The following MYO5C variants were observed in gnomAD, a reference collection of about 807,000 sequenced individuals.
MYO5C encodes the protein unconventional myosin-Vc.
Under a neutral mutation model 235.7 loss-of-function variants are expected in MYO5C, and 194 were observed. The ratio of observed to expected loss-of-function variants is 0.82; its 90% confidence interval spans 0.73 to 0.93. The LOEUF (loss-of-function observed/expected upper bound fraction) is 0.93. Ranked by LOEUF, MYO5C falls within the 40% of genes least tolerant of loss-of-function variation. MYO5C has a pLI of 0.00. For missense variants in MYO5C, 2,038 were observed against 2,127.2 expected (o/e 0.96, Z 0.82); for synonymous variants, 707 against 754.8 (o/e 0.94, Z 1.04).
chr15:52,290,771 G>T (rs2140874685), intron 1 of MYO5C, among the ~76,000 whole-genome samples: 1 of 152,206 alleles, frequency 6.6e-6, no homozygotes, highest in East Asian at 1.9e-4. Flanking sequence ...AGCTAAAGAT[G>T]ATCAAGATTC....
intron 20 of MYO5C, among the ~76,000 whole-genome samples, chr15:52,240,334 C>T (rs2036184437): frequency 6.6e-6 from 1 of 151,676 alleles, no homozygotes; most frequent in African/African-American, 2.4e-5. Flanking sequence ...TTTGGGAGGC[C>T]CAGGAGGGAA....
At chr15:52,274,754 T>TA in intron 5 of MYO5C, among the ~76,000 whole-genome samples, 1 of 151,100 alleles carries the variant, frequency 6.6e-6, no homozygotes, top group Non-Finnish European at 1.5e-5. Context: ...AGATTGGGTC[T>TA]TATTCTTTTC....
chr15:52,195,340 GA>G (rs1566956006), intron 40 of MYO5C, 36 bp downstream of exon 40: 21 of 1,350,282 alleles, frequency 1.6e-5, no homozygotes, highest in Non-Finnish European at 2.2e-5. Context: ...CCATAGTTAG[GA>G]AGTAAAATTA....
intron 23 of MYO5C, 78 bp from the exon 24 acceptor site, chr15:52,232,763 G>A (rs1214843013): frequency 3.1e-5 from 38 of 1,233,370 alleles, no homozygotes; most frequent in Non-Finnish European, 4.4e-5. Context: ...TTAAGAAAGT[G>A]AGAATGTCAG....
intron 11 of MYO5C, among the ~76,000 whole-genome samples, chr15:52,254,817 G>T (rs902663921): frequency 6.6e-6 from 1 of 152,086 alleles, no homozygotes; most frequent in African/African-American, 2.4e-5. Flanking sequence ...GGAGCAGCAC[G>T]CCATTGCAGC....
chr15:52,267,966 G>T (rs554863179), intron 8 of MYO5C, among the ~76,000 whole-genome samples: 17 of 152,178 alleles, frequency 1.1e-4, no homozygotes, highest in Admixed American at 5.9e-4. Context: ...TTGAAATGAC[G>T]ACCATAATTA....
At chr15:52,210,070 C>A (rs1208305408) in intron 35 of MYO5C, among the ~76,000 whole-genome samples, 1 of 152,156 alleles carries the variant, frequency 6.6e-6, no homozygotes, top group African/African-American at 2.4e-5. Flanking sequence ...CTCAAGTGAT[C>A]TTCCCACCTC....
intron 2 of MYO5C, among the ~76,000 whole-genome samples, chr15:52,281,649 CT>C (rs1286769947): frequency 6.6e-6 from 1 of 152,172 alleles, no homozygotes; most frequent in African/African-American, 2.4e-5. Context: ...TCATTACCTC[CT>C]TTGTACATAT....
chr15:52,211,739 C>T lies in MYO5C; in HGVS notation c.4287G>A (p.Gln1429=). The T allele has an allele frequency of 6.2e-7, 1 of 1,613,626 alleles. No homozygotes were observed. Among genetic ancestry groups the T allele is most frequent in the East Asian group, 2.2e-5 (1 of 44,884 alleles). ...LMNSTINGIK[Q]VVKEHLEDFE... Reference sequence around the variant, plus strand: ...CAAAGGCATTTCCTACCTTAACCACCTGCTTGATGCCATTAATGGTGCTGT... The same window carrying T: ...CAAAGGCATTTCCTACCTTAACCACTTGCTTGATGCCATTAATGGTGCTGT... The change falls in exon 35 of 41, where the codon CAG becomes CAA. Residue 1429 remains glutamine, a synonymous_variant. Coordinates refer to ENST00000261839, the MANE Select transcript of MYO5C (RefSeq NM_018728.4).
Position 52,282,773 on chromosome 15 carries a change from G to T in MYO5C, c.138+9C>A, listed in dbSNP as rs1337348157. ...CATCGACGTAGCTGTGAACAGCAAGGACCCTCACCGTTCCATCCTCCAGCA... is the reference window on the plus strand; with the variant it reads ...CATCGACGTAGCTGTGAACAGCAAGTACCCTCACCGTTCCATCCTCCAGCA... On this transcript the variant is annotated intron_variant, in intron 2 of 40. Transcript: ENST00000261839. The T allele has an allele frequency of 3.2e-6, 5 of 1,571,930 alleles. No individual in the cohort carries two copies. Among genetic ancestry groups the T allele is most frequent in the Non-Finnish European group, 4.4e-6 (5 of 1,141,860 alleles).
In MYO5C at chr15:52,291,740, T is replaced by TG. The variant is rs1566998063; in HGVS notation, c.27+3869_27+3870insC. Among the ~76,000 whole-genome samples, 44 of 86,084 alleles carry TG rather than the reference T, an allele frequency of 5.1e-4. 1 individual carries two copies. The highest frequency in any genetic ancestry group is 1.0e-3 in the Non-Finnish European group (38 of 37,606). 56.5% of individuals were successfully genotyped at this position (86,084 alleles called of 152,430 possible). A position where few individuals can be genotyped will look rare whatever the true frequency, so the allele number is the denominator to read the frequency against. Reference sequence around the variant, plus strand: ...TGTTTGCATATTTTATGTTTTTTTTTTTTTTTTTTTTTTTTTGAGACAGGG... The same window carrying TG: ...TGTTTGCATATTTTATGTTTTTTTTTGTTTTTTTTTTTTTTTTGAGACAGGG... On this transcript the variant is annotated intron_variant, in intron 1 of 40. Coordinates refer to ENST00000261839, the MANE Select transcript of MYO5C (RefSeq NM_018728.4).
intron 36 of MYO5C, among the ~76,000 whole-genome samples, chr15:52,207,318 A>G (rs533863376): frequency 7.1e-4 from 108 of 152,336 alleles, no homozygotes; most frequent in African/African-American, 2.5e-3. Context: ...TGAATAAAAC[A>G]TTCTTCCACT....
intron 12 of MYO5C, among the ~76,000 whole-genome samples, chr15:52,252,807 T>A (rs1312124509): frequency 6.6e-6 from 1 of 152,024 alleles, no homozygotes; most frequent in Non-Finnish European, 1.5e-5. Flanking sequence ...CCCCGAAACC[T>A]TATTAATCCT....
rs142778114 is a variant in MYO5C at position 52,275,767 on chromosome 15, G to A, written c.450-49C>T. ...ATATTAGTTTCTTCCCATTAAAGAG[G>A]CAACATGTGCTAATTAAGACAAATG... On this transcript the variant is annotated intron_variant, in intron 4 of 40. Transcript: ENST00000261839. 9.3e-5 allele frequency: 147 copies of A among 1,573,934 alleles called. 1 individual carries two copies. In the East Asian group the frequency reaches 2.2e-3, roughly 23 times the overall value.
chr15:52,229,854 G>C (rs1237096983), intron 24 of MYO5C, among the ~76,000 whole-genome samples: 1 of 152,124 alleles, frequency 6.6e-6, no homozygotes, highest in Admixed American at 6.5e-5. Context: ...CAGTGATCAC[G>C]CACAGGGCAC....
intron 29 of MYO5C, among the ~76,000 whole-genome samples, chr15:52,221,891 A>G (rs927701863): frequency 2.0e-5 from 3 of 152,198 alleles, no homozygotes; most frequent in Non-Finnish European, 4.4e-5. Context: ...ACGATGGCTC[A>G]ACTTACTATT....
intron 37 of MYO5C, chr15:52,205,481 G>A: frequency 1.1e-5 from 4 of 350,328 alleles, no homozygotes; most frequent in Non-Finnish European, 2.1e-5. Context: ...ATTAAGGAAA[G>A]TATACAAGAA....
intron 8 of MYO5C, among the ~76,000 whole-genome samples, chr15:52,269,386 A>ATTTTTT (rs71130145): frequency 9.6e-6 from 1 of 103,994 alleles, no homozygotes; most frequent in Non-Finnish European, 1.8e-5. Flanking sequence ...CCACCTTTTA[A>ATTTTTT]TTTTTTTTTT....
At chr15:52,206,517 A>G (rs1345308245) in intron 36 of MYO5C, among the ~76,000 whole-genome samples, 2 of 152,158 alleles carry the variant, frequency 1.3e-5, no homozygotes, top group East Asian at 3.8e-4. Context: ...TGATCTAATA[A>G]TAAGATTGAT....
Sources: allele counts gnomAD v4.1 joint callset (sites outside exome capture counted in the v4.1 genomes callset), GRCh38; gene constraint gnomAD v4.1.1; transcripts MANE v1.5; gene names NCBI Gene and HGNC (gene_info 2026-07-23, HGNC 2026-07-21).